Variants in TCERG1 observed in about 807,000 individuals in gnomAD.
The protein encoded by TCERG1 is TATA box binding protein (TBP)-associated factor, RNA polymerase II, S, 150kD.
TCERG1 carries 37 observed loss-of-function variants against 144.7 expected under a neutral mutation model. The ratio of observed to expected loss-of-function variants is 0.26; its 90% confidence interval spans 0.20 to 0.34. The LOEUF is 0.34. TCERG1 is among the 10% of genes least tolerant of loss of function. TCERG1 has a pLI of 1.00. For missense variants in TCERG1, 1,027 were observed against 1,380.7 expected, an observed-to-expected ratio of 0.74 and a Z score of 4.06; for synonymous variants, 492 against 458.2, an observed-to-expected ratio of 1.07 and a Z score of -0.94.
At chr5:146,454,261 T>C (rs566864515) in intron 1 of TCERG1, among the ~76,000 whole-genome samples, 1 of 152,198 alleles carries the variant, frequency 6.6e-6, no homozygotes, top group African/African-American at 2.4e-5. Context: ...TGTCTGATAC[T>C]TTCCTCGTTG....
chr5:146,457,504 A>G (rs143795297), intron 3 of TCERG1, among the ~76,000 whole-genome samples, 169 bp downstream of exon 3: 2 of 152,380 alleles, frequency 1.3e-5, no homozygotes, highest in African/African-American at 4.8e-5. Context: ...TTTGTGCAGC[A>G]GATATAAGGT....
intron 21 of TCERG1, 95 bp from the exon 22 acceptor site, chr5:146,509,050 G>C: frequency 8.5e-6 from 5 of 587,482 alleles, no homozygotes; most frequent in Non-Finnish European, 1.4e-5. Flanking sequence ...TTTATTATGT[G>C]ACTTACACAT....
At chr5:146,455,963 T>A (rs1271832854) in intron 2 of TCERG1, among the ~76,000 whole-genome samples, 1 of 152,236 alleles carries the variant, frequency 6.6e-6, no homozygotes, top group Non-Finnish European at 1.5e-5. Flanking sequence ...TGTATTCTTT[T>A]TGAGTATGTA....
chr5:146,458,865 A>G lies in TCERG1; in HGVS notation c.439-19A>G. The G allele has an allele frequency of 6.3e-7, 1 of 1,580,826 alleles. No individual in the cohort carries two copies. Among genetic ancestry groups the G allele is most frequent in the Non-Finnish European group, 8.6e-7 (1 of 1,163,012 alleles). ...ACTGACAGATTTTATGATACCATTG[A>G]TTTTTGCTTCCGCTGCAGGTTTATT... On this transcript the variant is annotated intron_variant, in intron 3 of 22. Transcript: ENST00000679501.
rs186131299 is a variant in TCERG1, at chr5:146,484,288, G to A, written c.2163+659G>A. ...TGCTTTTTATTCCCATGATGATTCA[G>A]TGACACATATCATTTCGTGATTGCC... On this transcript the variant is annotated intron_variant, in intron 15 of 22. Coordinates refer to ENST00000679501, the MANE Select transcript of TCERG1 (RefSeq NM_001382548.1). Among the ~76,000 whole-genome samples, 297 of 152,252 alleles carry A rather than the reference G, an allele frequency of 2.0e-3. 2 individuals are homozygous for A. The highest frequency in any genetic ancestry group is 3.2e-3 in the Non-Finnish European group (220 of 67,986).
At chr5:146,497,629 T>C (rs1418445108) in intron 16 of TCERG1, among the ~76,000 whole-genome samples, 1 of 152,242 alleles carries the variant, frequency 6.6e-6, no homozygotes, top group African/African-American at 2.4e-5. Flanking sequence ...TTACCTTTCA[T>C]TGAAAAGTGG....
Position 146,507,532 on chromosome 5 carries a change from C to T in TCERG1, c.2961+325C>T, listed in dbSNP as rs192189332. The T allele has an allele frequency of 9.1e-4, 301 of 329,704 alleles. No individual in the cohort carries two copies. Among genetic ancestry groups the T allele is most frequent in the African/African-American group, 5.8e-3 (274 of 46,960 alleles). 20.4% of individuals were successfully genotyped at this position (329,704 alleles called of 1,614,324 possible). Reference sequence around the variant, plus strand: ...TTTGGTACTATGGCCTCTTGTTCGGCAGTTTGTACGCTTTGTTATCCAGGT... The same window carrying T: ...TTTGGTACTATGGCCTCTTGTTCGGTAGTTTGTACGCTTTGTTATCCAGGT... On this transcript the variant is annotated intron_variant, in intron 20 of 22. Transcript: ENST00000679501. The surrounding 1 kb of genome is among the most constrained non-coding windows in gnomAD (Gnocchi z 4.6).
At chr5:146,483,196 TCA>T (rs1254575548) in intron 14 of TCERG1, among the ~76,000 whole-genome samples, 1 of 152,190 alleles carries the variant, frequency 6.6e-6, no homozygotes, top group Non-Finnish European at 1.5e-5. Flanking sequence ...CAATTTTAAA[TCA>T]CAACATTGTT....
intron 16 of TCERG1, among the ~76,000 whole-genome samples, chr5:146,494,078 T>C (rs1053821486): frequency 1.1e-4 from 17 of 152,116 alleles, no homozygotes; most frequent in Non-Finnish European, 2.2e-4. Flanking sequence ...AATTTAATAT[T>C]CTTCAGGGGT....
chr5:146,467,334 T>C (rs1458700886), intron 5 of TCERG1, among the ~76,000 whole-genome samples: 1 of 152,018 alleles, frequency 6.6e-6, no homozygotes, highest in African/African-American at 2.4e-5. Context: ...TTTTATAGAG[T>C]ACCAACTAAG....
intron 1 of TCERG1, among the ~76,000 whole-genome samples, chr5:146,452,749 C>T (rs1319077352): frequency 6.6e-6 from 1 of 152,074 alleles, no homozygotes; most frequent in Non-Finnish European, 1.5e-5. Flanking sequence ...ACCACCATGC[C>T]CGGCTAATTT....
chr5:146,463,935 A>G (rs1763555341), intron 5 of TCERG1, 142 bp downstream of exon 5: 1 of 1,190,682 alleles, frequency 8.4e-7, no homozygotes, highest in Non-Finnish European at 1.2e-6. Context: ...GCTAACTGCA[A>G]TATTTTCTCT....
At chr5:146,469,402 C>T in intron 6 of TCERG1, 142 bp from the exon 7 acceptor site, 1 of 626,864 alleles carries the variant, frequency 1.6e-6, no homozygotes, top group Non-Finnish European at 2.5e-6. Context: ...TTTTATGTCA[C>T]CTTTTTATAT....
intron 19 of TCERG1, 148 bp from the exon 20 acceptor site, chr5:146,506,880 C>T: frequency 1.8e-6 from 1 of 566,426 alleles, no homozygotes; most frequent in South Asian, 5.3e-5. Context: ...ATATTTATTA[C>T]ATTTTCTTTA....
In TCERG1 at chr5:146,458,974, C is replaced by T; in HGVS notation, c.529C>T (p.Leu177Phe). The change falls in exon 4 of 23, where the codon CTT becomes TTT. Residue 177 changes from leucine to phenylalanine, a missense_variant. Transcript: ENST00000679501. The stretch of plus-strand genomic sequence containing the variant: ...TCAGCAATCAGAACTGACACCTATG[C>T]TTGCAGCCCAGGCACAGGTTCAGGC... The part of the protein sequence containing the change: ...VIQQSELTPM[L>F]AAQAQVQAQA... The T allele has an allele frequency of 6.2e-7, 1 of 1,614,184 alleles. No individual in the cohort carries two copies. Among genetic ancestry groups the T allele is most frequent in the Non-Finnish European group, 8.5e-7 (1 of 1,180,014 alleles).
chr5:146,470,503 A>G, intron 7 of TCERG1, 133 bp from the exon 8 acceptor site: 1 of 705,952 alleles, frequency 1.4e-6, no homozygotes, highest in South Asian at 2.1e-5. Flanking sequence ...ATTCAAATCA[A>G]AGATATAAGG....
At chr5:146,500,186 G>A (rs1411430810) in intron 17 of TCERG1, among the ~76,000 whole-genome samples, 1 of 150,218 alleles carries the variant, frequency 6.7e-6, no homozygotes, top group Non-Finnish European at 1.5e-5. Context: ...AAAAAAAAAG[G>A]CAGGAAATTG....
rs1337745954 is a variant in TCERG1, at chr5:146,504,009, A to ATAC, written c.2781+4_2781+6dup. 1.3e-6 allele frequency: 2 copies of ATAC among 1,539,914 alleles called. No homozygotes were observed. Among genetic ancestry groups the ATAC allele is most frequent in the Admixed American group, 4.2e-5 (2 of 47,566 alleles). Reference sequence around the variant, plus strand: ...TCAAAGCTCTTCTGTCTGACATGGTATACGTTAATCTTTTACTTTTTTTCT... The same window carrying ATAC: ...TCAAAGCTCTTCTGTCTGACATGGTATACTACGTTAATCTTTTACTTTTTTTCT... On this transcript the variant is annotated splice_donor_region_variant and intron_variant, in intron 19 of 22. Coordinates refer to ENST00000679501, the MANE Select transcript of TCERG1 (RefSeq NM_001382548.1).
chr5:146,487,576 A>G (rs1220055220), intron 15 of TCERG1, among the ~76,000 whole-genome samples: 1 of 152,002 alleles, frequency 6.6e-6, no homozygotes, highest in African/African-American at 2.4e-5. Context: ...TCTACAAAAA[A>G]ATGCAAGAAC....
Sources: allele counts gnomAD v4.1 joint callset (sites outside exome capture counted in the v4.1 genomes callset), GRCh38; gene constraint gnomAD v4.1.1; non-coding constraint Gnocchi (gnomAD v3.1); transcripts MANE v1.5; gene names NCBI Gene and HGNC (gene_info 2026-07-23, HGNC 2026-07-21).